The following OR14A2 variants were observed in gnomAD, a reference collection of about 807,000 sequenced individuals.
OR14A2 encodes the protein olfactory receptor family 14 subfamily A member 2, also known as olfactory receptor 14A2.
For synonymous variants in OR14A2, 114 were observed against 58.6 expected, an observed-to-expected ratio of 1.95 and a Z score of -4.32; for missense variants, 237 against 152.9, an observed-to-expected ratio of 1.55 and a Z score of -2.90.
the OR14A2 span, among the ~76,000 whole-genome samples, chr1:247,747,444 C>T: frequency 2.2e-4 from 34 of 151,204 alleles, no homozygotes; most frequent in African/African-American, 7.1e-4. Context: ...TCACTGCAAG[C>T]TCTGCCTCCC....
chr1:247,728,547 C>T (rs1206593685), upstream of OR14A2, among the ~76,000 whole-genome samples: 3 of 152,010 alleles, frequency 2.0e-5, no homozygotes, highest in Admixed American at 6.6e-5. Flanking sequence ...CACTCCTATT[C>T]AACATAGTGT....
the OR14A2 span, among the ~76,000 whole-genome samples, chr1:247,729,185 C>T: frequency 6.6e-6 from 1 of 152,086 alleles, no homozygotes; most frequent in Non-Finnish European, 1.5e-5. Flanking sequence ...TTTTCTGAAT[C>T]ACCTTGTTAA....
chr1:247,736,032 C>T, the OR14A2 span, among the ~76,000 whole-genome samples: 2 of 151,474 alleles, frequency 1.3e-5, no homozygotes, highest in African/African-American at 4.9e-5. Context: ...TGATCTTACT[C>T]GAGAATGGAA....
chr1:247,739,410 T>C, the OR14A2 span: 183 of 780,712 alleles, frequency 2.3e-4, no homozygotes, highest in Non-Finnish European at 4.1e-4. Context: ...TGATGCACCT[T>C]CTATTCTAGA....
the OR14A2 span, among the ~76,000 whole-genome samples, chr1:247,731,070 A>G: frequency 2.0e-5 from 3 of 152,124 alleles, no homozygotes; most frequent in African/African-American, 7.2e-5. Context: ...AACTTTTTTT[A>G]GTATTTCAGT....
At chr1:247,739,049 G>T in the OR14A2 span, 1 of 780,738 alleles carries the variant, frequency 1.3e-6, no homozygotes, top group Non-Finnish European at 2.4e-6. Flanking sequence ...TGATGGCTCT[G>T]TCCTGGCTCA....
chr1:247,738,490 C>T, the OR14A2 span: 1 of 608,060 alleles, frequency 1.6e-6, no homozygotes, highest in Non-Finnish European at 2.9e-6. Context: ...TATTTTTAAA[C>T]TTTTTGTCTA....
At chr1:247,745,476 GCAAAACCC>G in the OR14A2 span, among the ~76,000 whole-genome samples, 1 of 151,196 alleles carries the variant, frequency 6.6e-6, no homozygotes, top group Non-Finnish European at 1.5e-5. Flanking sequence ...TCTTCCCTAA[GCAAAACCC>G]CAAAGCCAGA....
chr1:247,731,833 A>G, the OR14A2 span, among the ~76,000 whole-genome samples: 6 of 152,034 alleles, frequency 3.9e-5, no homozygotes, highest in South Asian at 1.2e-3. Flanking sequence ...TTGCTTCAAC[A>G]TCTGGTTCAT....
chr1:247,733,357 G>A, the OR14A2 span, among the ~76,000 whole-genome samples: 1 of 152,144 alleles, frequency 6.6e-6, no homozygotes, highest in African/African-American at 2.4e-5. Context: ...GGTATTGAAG[G>A]TAACCTCTTA....
the OR14A2 span, among the ~76,000 whole-genome samples, chr1:247,731,877 A>G: frequency 6.6e-6 from 1 of 152,020 alleles, no homozygotes; most frequent in African/African-American, 2.4e-5. Context: ...TTCTTTTCAC[A>G]TCTTAGTGGG....
the OR14A2 span, among the ~76,000 whole-genome samples, chr1:247,732,946 C>T: frequency 1.3e-5 from 2 of 152,226 alleles, no homozygotes; most frequent in Admixed American, 1.3e-4. Context: ...AGGCTCTGGG[C>T]ATGCTATGGT....
the OR14A2 span, among the ~76,000 whole-genome samples, chr1:247,747,384 C>T: frequency 3.7e-4 from 53 of 141,742 alleles, no homozygotes; most frequent in South Asian, 0.01. Context: ...TTTTCTGAGA[C>T]GGAGTCTCGC....
At chr1:247,726,146 C>CA (rs1262160485), upstream of OR14A2, among the ~76,000 whole-genome samples, 1 of 122,338 alleles carries the variant, frequency 8.2e-6, no homozygotes, top group Non-Finnish European at 1.6e-5. Flanking sequence ...ACAGTCCCAC[C>CA]AACAGTGGAA....
At chr1:247,738,798 C>T in the OR14A2 span, 22 of 780,674 alleles carry the variant, frequency 2.8e-5, no homozygotes, top group Non-Finnish European at 4.8e-5. Flanking sequence ...CTTTTTCCTC[C>T]GACATTTGTC....
the OR14A2 span, among the ~76,000 whole-genome samples, chr1:247,733,507 C>G: frequency 1.3e-5 from 2 of 152,098 alleles, no homozygotes; most frequent in African/African-American, 4.8e-5. Context: ...TCTGCTCATT[C>G]TACTCCCTCA....
At chr1:247,738,787 A>G in the OR14A2 span, 5 of 780,690 alleles carry the variant, frequency 6.4e-6, no homozygotes, top group African/African-American at 8.5e-5. Flanking sequence ...ATGGCAATGT[A>G]CTTTTTCCTC....
At chr1:247,736,213 C>G in the OR14A2 span, among the ~76,000 whole-genome samples, 2 of 146,104 alleles carry the variant, frequency 1.4e-5, no homozygotes, top group Non-Finnish European at 3.0e-5. Context: ...CTCATTCTCT[C>G]CATTCCTCAT....
At chr1:247,723,703 G>A (rs1411750834) in exon 1 of OR14A2, 3 of 718,644 alleles carry the variant, frequency 4.2e-6, no homozygotes, top group Admixed American at 4.0e-5. Context: ...GGACATGGCA[G>A]TGAGGATAAA....
Sources: gnomAD v4.1 joint callset for allele counts (sites outside exome capture counted in the v4.1 genomes callset) on GRCh38, gnomAD v4.1.1 for gene constraint, MANE v1.5 for transcripts, NCBI Gene and HGNC (gene_info 2026-07-23, HGNC 2026-07-21) for gene names.